Variants in REDIC1 observed in about 807,000 individuals in gnomAD.
REDIC1 encodes HEI10 Interacting Protein 1.
the REDIC1 span, chr12:39,756,635 T>A: frequency 2.0e-5 from 3 of 151,926 alleles, no homozygotes; most frequent in East Asian, 5.7e-4. Context: ...TCCACCAACT[T>A]CTGGATCTGT....
the REDIC1 span, among the ~76,000 whole-genome samples, chr12:39,686,043 A>T: frequency 6.6e-6 from 1 of 152,326 alleles, no homozygotes; most frequent in South Asian, 2.1e-4. Flanking sequence ...GTGGTTTTGC[A>T]AGGTTCAGCC....
At chr12:39,860,942 C>T in the REDIC1 span, among the ~76,000 whole-genome samples, 1 of 152,154 alleles carries the variant, frequency 6.6e-6, no homozygotes, top group Non-Finnish European at 1.5e-5. Context: ...TAAAATTCTT[C>T]CATGGATTTA....
chr12:39,665,955 C>T, the REDIC1 span, among the ~76,000 whole-genome samples: 3 of 152,176 alleles, frequency 2.0e-5, no homozygotes, highest in African/African-American at 4.8e-5. Flanking sequence ...TGCCTATCAG[C>T]TTAAGGAGAT....
the REDIC1 span, among the ~76,000 whole-genome samples, chr12:39,851,613 C>T: frequency 2.0e-5 from 3 of 152,102 alleles, no homozygotes; most frequent in African/African-American, 7.2e-5. Flanking sequence ...TAATAGGTTT[C>T]TACAGTAACT....
At chr12:39,905,953 TA>T in the REDIC1 span, among the ~76,000 whole-genome samples, 5 of 152,128 alleles carry the variant, frequency 3.3e-5, no homozygotes, top group Non-Finnish European at 7.4e-5. Flanking sequence ...ATATTTGGTA[TA>T]AAAAGTATAT....
chr12:39,847,595 G>A, the REDIC1 span, among the ~76,000 whole-genome samples: 5 of 152,000 alleles, frequency 3.3e-5, no homozygotes, highest in African/African-American at 1.2e-4. Context: ...ACTTATGAAA[G>A]ACATTTGTAT....
the REDIC1 span, among the ~76,000 whole-genome samples, chr12:39,774,649 A>G: frequency 6.6e-6 from 1 of 151,846 alleles, no homozygotes; most frequent in African/African-American, 2.4e-5. Context: ...ACAAGATGAA[A>G]AACCTATTCT....
chr12:39,666,038 C>T, the REDIC1 span, among the ~76,000 whole-genome samples: 1 of 152,214 alleles, frequency 6.6e-6, no homozygotes, highest in East Asian at 1.9e-4. Flanking sequence ...TCCTCTTTTC[C>T]TACTTGATTA....
chr12:39,765,900 C>A, the REDIC1 span, among the ~76,000 whole-genome samples: 2 of 152,016 alleles, frequency 1.3e-5, no homozygotes, highest in Non-Finnish European at 2.9e-5. Flanking sequence ...CCCACAGGCC[C>A]TAGTGTGCAT....
the REDIC1 span, among the ~76,000 whole-genome samples, chr12:39,871,486 A>G: frequency 0.098 from 1,619 of 16,466 alleles, 24 homozygotes; most frequent in African/African-American, 0.38. Flanking sequence ...AAAAGGATAG[A>G]AAAAAAAAAC....
the REDIC1 span, among the ~76,000 whole-genome samples, chr12:39,767,902 T>C: frequency 2.6e-5 from 4 of 152,092 alleles, no homozygotes; most frequent in Admixed American, 2.6e-4. Flanking sequence ...TCCTCCATGA[T>C]TGTAAGTTTT....
chr12:39,903,965 A>G, the REDIC1 span, among the ~76,000 whole-genome samples: 1 of 152,088 alleles, frequency 6.6e-6, no homozygotes, highest in Non-Finnish European at 1.5e-5. Flanking sequence ...ACTGCTATTT[A>G]TCAGATTTCC....
chr12:39,760,079 C>T, the REDIC1 span: 6 of 1,612,778 alleles, frequency 3.7e-6, no homozygotes, highest in Non-Finnish European at 5.1e-6. Flanking sequence ...CTTCCCTTTA[C>T]CCGAATATAT....
chr12:39,797,744 A>ATACG, the REDIC1 span, among the ~76,000 whole-genome samples: 1 of 150,228 alleles, frequency 6.7e-6, no homozygotes, highest in Non-Finnish European at 1.5e-5. Context: ...ACACACACAC[A>ATACG]CACACACACA....
At chr12:39,734,468 A>G in the REDIC1 span, among the ~76,000 whole-genome samples, 1 of 152,216 alleles carries the variant, frequency 6.6e-6, no homozygotes, top group Non-Finnish European at 1.5e-5. Flanking sequence ...TGTAGTCACA[A>G]AAATTTTCTC....
chr12:39,753,622 G>A, the REDIC1 span, among the ~76,000 whole-genome samples: 423 of 152,302 alleles, frequency 2.8e-3, 1 homozygote, highest in Non-Finnish European at 2.0e-3. Flanking sequence ...ATGTGCTCCT[G>A]TTCCTAGTAG....
chr12:39,873,615 A>G, the REDIC1 span, among the ~76,000 whole-genome samples: 1 of 152,240 alleles, frequency 6.6e-6, no homozygotes, highest in Non-Finnish European at 1.5e-5. Flanking sequence ...TATATTGTGC[A>G]AAATAATTCT....
the REDIC1 span, among the ~76,000 whole-genome samples, chr12:39,677,031 A>G: frequency 6.6e-6 from 1 of 151,900 alleles, no homozygotes; most frequent in East Asian, 1.9e-4. Flanking sequence ...CACAATGAAA[A>G]AAAAAAAAAC....
chr12:39,653,377 TTGACTTTGA>T, the REDIC1 span, among the ~76,000 whole-genome samples: 2 of 151,994 alleles, frequency 1.3e-5, no homozygotes, highest in Admixed American at 1.3e-4. Context: ...CTTACATCTT[TTGACTTTGA>T]CAATTTTATT....
Sources: gnomAD v4.1 joint callset for allele counts (sites outside exome capture counted in the v4.1 genomes callset) on GRCh38, gnomAD v4.1.1 for gene constraint, MANE v1.5 for transcripts, NCBI Gene and HGNC (gene_info 2026-07-23, HGNC 2026-07-21) for gene names.